The following PARD6A variants were observed in gnomAD, a reference collection of about 807,000 sequenced individuals.
The protein encoded by PARD6A is partitioning defective 6 homolog alpha.
In PARD6A, 20 loss-of-function variants were observed where a neutral mutation model predicts 21.3. That is an observed-to-expected ratio of 0.94 (90% confidence interval 0.66 to 1.36). The LOEUF (loss-of-function observed/expected upper bound fraction) is 1.36. Among genes scored for constraint, PARD6A ranks in the 40% most tolerant of loss-of-function variants. The pLI, the probability that PARD6A is intolerant of heterozygous loss-of-function variation, is 0.00. For missense variants in PARD6A, 411 were observed against 482.0 expected (o/e 0.85, Z 1.38); for synonymous variants, 214 against 204.8 (o/e 1.04, Z -0.38).
chr16:67,662,666 A>G lies in PARD6A; in HGVS notation c.*19A>G, dbSNP rs1282455604. The G allele has an allele frequency of 3.3e-6, 5 of 1,523,566 alleles. No individual in the cohort carries two copies. The South Asian group carries it at 6.4e-5, about 19-fold the overall frequency. 94.4% of individuals were successfully genotyped at this position (1,523,566 alleles called of 1,614,324 possible). A position where few individuals can be genotyped will look rare whatever the true frequency, so the allele number is the denominator to read the frequency against. ...CCTCTGACAGTCAGGATGAAGCCCC[A>G]TGCCACTCCACACTGCTGGGACATG... On this transcript the variant is annotated 3_prime_UTR_variant, in exon 3 of 3. Coordinates refer to ENST00000458121, the MANE Select transcript of PARD6A (RefSeq NM_001037281.2). The surrounding 1 kb of genome is among the most constrained non-coding windows in gnomAD (Gnocchi z 6.9).
In PARD6A at chr16:67,661,870, TCAA is replaced by T. The variant is rs2142980713; in HGVS notation, c.287-23_287-21del. On this transcript the variant is annotated intron_variant, in intron 2 of 2. Coordinates refer to ENST00000458121, the MANE Select transcript of PARD6A (RefSeq NM_001037281.2). This position sits in a 1 kb window ranked among gnomAD's most constrained non-coding sequence, Gnocchi z 7.0. ...CAAGTCGGGGAGCAGGTCTCTGATC[TCAA>T]CATCCCCCCTCTTCTGCAGCAGAAG... 1.3e-6 allele frequency: 2 copies of T among 1,554,424 alleles called. No homozygotes were observed. The highest frequency in any genetic ancestry group is 4.5e-5 in the East Asian group (2 of 44,590).
Position 67,661,508 on chromosome 16 carries a change from C to T in PARD6A, c.117C>T (p.Phe39=), listed in dbSNP as rs1483635108. 1.2e-6 allele frequency: 2 copies of T among 1,609,946 alleles called. No homozygotes were observed. Among genetic ancestry groups the T allele is most frequent in the Non-Finnish European group, 1.7e-6 (2 of 1,179,984 alleles). ...FALPRASVSG[F]QEFSRLLRAV... is the part of the protein sequence containing the mutation. The stretch of plus-strand genomic sequence containing the variant: ...TGCCTCGCGCTTCGGTGAGCGGCTT[C>T]CAGGAGTTCTCGCGGTTGCTGCGGG... Residue 39 remains phenylalanine (F), a synonymous_variant, in exon 2 of 3, where the codon TTC becomes TTT. Coordinates refer to ENST00000458121, the MANE Select transcript of PARD6A (RefSeq NM_001037281.2). This position sits in a 1 kb window ranked among gnomAD's most constrained non-coding sequence, Gnocchi z 7.0.
At position 67,662,273 on chromosome 16, in the gene PARD6A, G is replaced by A. The variant is rs1347792892; in HGVS notation, c.664G>A (p.Val222Ile). 1 of 1,614,044 alleles carries A rather than the reference G, an allele frequency of 6.2e-7. No homozygotes were observed. The highest frequency in any genetic ancestry group is 8.5e-7 in the Non-Finnish European group (1 of 1,180,050). ...GATCCTCGAGGTCAATGGCATTGAA[G>A]TAGCCGGGAAGACCTTGGACCAAGT... ...DEILEVNGIEVAGKTLDQVTD... is the reference protein window; with the variant it reads ...DEILEVNGIEIAGKTLDQVTD... The change falls in exon 3 of 3, where the codon GTA (valine) becomes ATA (isoleucine). Residue 222 changes from valine to isoleucine, a missense_variant. Val to Ile is a conservative substitution (Grantham distance 29). Coordinates refer to ENST00000458121, the MANE Select transcript of PARD6A (RefSeq NM_001037281.2). The surrounding 1 kb of genome is among the most constrained non-coding windows in gnomAD (Gnocchi z 6.9).
chr16:67,662,481 C>T lies in PARD6A; in HGVS notation c.872C>T (p.Pro291Leu). ...SSDLVIENRQPPSSNGLSQGP... is the reference protein window; with the variant it reads ...SSDLVIENRQLPSSNGLSQGP... ...GACCTGGTCATTGAGAACCGCCAGC[C>T]TCCCAGTTCCAATGGGCTGTCTCAG... The change falls in exon 3 of 3, where the codon CCT (proline) becomes CTT (leucine). Residue 291 changes from proline (P) to leucine (L), a missense_variant. Physicochemically the swap from Pro to Leu is moderately conservative, Grantham distance 98. Transcript: ENST00000458121. The surrounding 1 kb of genome is among the most constrained non-coding windows in gnomAD (Gnocchi z 6.9). The T allele has an allele frequency of 1.1e-5, 18 of 1,613,634 alleles. No homozygotes were observed. The highest frequency in any genetic ancestry group is 2.2e-5 in the East Asian group (1 of 44,886).
rs758226980 is a variant in PARD6A, at chr16:67,660,998, G to T, written c.-41G>T. 2.7e-6 allele frequency: 3 copies of T among 1,117,048 alleles called. No individual in the cohort carries two copies. The highest frequency in any genetic ancestry group is 3.4e-6 in the Non-Finnish European group (3 of 887,272). 69.2% of individuals were successfully genotyped at this position (1,117,048 alleles called of 1,614,324 possible). A position where few individuals can be genotyped will look rare whatever the true frequency, so the allele number is the denominator to read the frequency against. On this transcript the variant is annotated 5_prime_UTR_variant, in exon 1 of 3. Transcript: ENST00000458121. ...CCGGGCTGTGCACCTGCGCCTCGGCGGGCCGCCTGGGGCACCGTCCCCGGC... is the reference window on the plus strand; with the variant it reads ...CCGGGCTGTGCACCTGCGCCTCGGCTGGCCGCCTGGGGCACCGTCCCCGGC...
chr16:67,661,817 A>G lies in PARD6A; in HGVS notation c.287-79A>G. ...TGGCTTGACCTCTAAGTGGTAGGAAATAGCTACAGTGCCCCCTGTAAACAG... is the reference window on the plus strand; with the variant it reads ...TGGCTTGACCTCTAAGTGGTAGGAAGTAGCTACAGTGCCCCCTGTAAACAG... On this transcript the variant is annotated intron_variant, in intron 2 of 2. Transcript: ENST00000458121. This position sits in a 1 kb window ranked among gnomAD's most constrained non-coding sequence, Gnocchi z 7.0. 6.5e-7 allele frequency: 1 copy of G among 1,535,476 alleles called. No individual in the cohort carries two copies. The highest frequency in any genetic ancestry group is 8.7e-7 in the Non-Finnish European group (1 of 1,148,622).
rs983347310 is a variant in PARD6A at position 67,661,932 on chromosome 16, C to T, written c.323C>T (p.Ser108Phe). 1.2e-6 allele frequency: 2 copies of T among 1,608,106 alleles called. No homozygotes were observed. Among genetic ancestry groups the T allele is most frequent in the African/African-American group, 1.3e-5 (1 of 74,904 alleles). ...AGCGGCCTGGCTTTTGCCTCCAACT[C>T]TCTGCAGCGGCGCAAGAAAGGGCTC... is the stretch of plus-strand genomic sequence containing the variant. ...DSSGLAFASN[S>F]LQRRKKGLLL... is the part of the protein sequence containing the mutation. Residue 108 changes from serine to phenylalanine, a missense_variant, in exon 3 of 3, where the codon TCT becomes TTT. Ser to Phe is a radical substitution (Grantham distance 155). Transcript: ENST00000458121. This position sits in a 1 kb window ranked among gnomAD's most constrained non-coding sequence, Gnocchi z 7.0.
Position 67,661,017 on chromosome 16 carries a change from CCCCGGCCCG to C in PARD6A, c.-13_-5del, listed in dbSNP as rs751841867. The stretch of plus-strand genomic sequence containing the variant: ...CTCGGCGGGCCGCCTGGGGCACCGT[CCCCGGCCCG>C]CCCGGCCCCGCCATGGCCCGGCCGC... On this transcript the variant is annotated 5_prime_UTR_variant, in exon 1 of 3. Transcript: ENST00000458121. The surrounding 1 kb of genome is among the most constrained non-coding windows in gnomAD (Gnocchi z 7.0). 6.9e-7 allele frequency: 1 copy of C among 1,456,702 alleles called. No individual in the cohort carries two copies. Among genetic ancestry groups the C allele is most frequent in the South Asian group, 1.2e-5 (1 of 80,810 alleles). 90.2% of individuals were successfully genotyped at this position (1,456,702 alleles called of 1,614,324 possible). A position where few individuals can be genotyped will look rare whatever the true frequency, so the allele number is the denominator to read the frequency against.
Position 67,661,781 on chromosome 16 carries a change from G to T in PARD6A, c.286+104G>T. On this transcript the variant is annotated intron_variant, in intron 2 of 2. Coordinates refer to ENST00000458121, the MANE Select transcript of PARD6A (RefSeq NM_001037281.2). The surrounding 1 kb of genome is among the most constrained non-coding windows in gnomAD (Gnocchi z 7.0). Reference sequence around the variant, plus strand: ...GGGTACCCAAGCGTCACCCTCTGCAGTCCCTGCCCTTGGCTTGACCTCTAA... The same window carrying T: ...GGGTACCCAAGCGTCACCCTCTGCATTCCCTGCCCTTGGCTTGACCTCTAA... 2 of 1,547,474 alleles carry T rather than the reference G, an allele frequency of 1.3e-6. No homozygotes were observed. Among genetic ancestry groups the T allele is most frequent in the Non-Finnish European group, 8.7e-7 (1 of 1,153,596 alleles).
rs145012859 is a variant in PARD6A, at chr16:67,662,375, C to T, written c.766C>T (p.Arg256Ter). 3.7e-5 allele frequency: 60 copies of T among 1,613,940 alleles called. No individual in the cohort carries two copies. The highest frequency in any genetic ancestry group is 4.6e-5 in the Non-Finnish European group (54 of 1,180,036). ...KPANQRNNVV[R>*]GASGRLTGPP... ...CGCCAACCAGCGCAATAACGTGGTG[C>T]GAGGGGCATCTGGGCGTTTGACAGG... The change falls in exon 3 of 3, where the codon CGA becomes TGA. Residue 256 changes from arginine (R) to a stop codon, truncating the protein, a stop_gained. Coordinates refer to ENST00000458121, the MANE Select transcript of PARD6A (RefSeq NM_001037281.2). LOFTEE classifies it high-confidence loss of function. This position sits in a 1 kb window ranked among gnomAD's most constrained non-coding sequence, Gnocchi z 6.9.
chr16:67,661,188 C>A lies in PARD6A; in HGVS notation c.63+87C>A. 8.2e-7 allele frequency: 1 copy of A among 1,212,812 alleles called. No individual in the cohort carries two copies. Among genetic ancestry groups the A allele is most frequent in the Non-Finnish European group, 1.2e-6 (1 of 820,882 alleles). The allele number at this position is 1,212,812 out of a possible 1,614,324, so 75.1% of individuals were successfully genotyped here. ...CTCCTTGGTCCCCGCCACCTCTTCC[C>A]TCTATCCTCCAAGTCCCATTCTGCT... On this transcript the variant is annotated intron_variant, in intron 1 of 2. Transcript: ENST00000458121. The surrounding 1 kb of genome is among the most constrained non-coding windows in gnomAD (Gnocchi z 7.0).
Position 67,662,076 on chromosome 16 carries a change from G to A in PARD6A, c.467G>A (p.Arg156Gln), listed in dbSNP as rs756725846. The part of the protein sequence containing the change: ...DVDLLPETHR[R>Q]VRLHKHGSDR... The stretch of plus-strand genomic sequence containing the variant: ...GACCTACTGCCTGAGACCCACCGAC[G>A]GGTGCGGCTGCACAAGCATGGTTCA... The change falls in exon 3 of 3, where the codon CGG becomes CAG. Residue 156 changes from arginine to glutamine, a missense_variant. Physicochemically the swap from Arg to Gln is conservative, Grantham distance 43. Coordinates refer to ENST00000458121, the MANE Select transcript of PARD6A (RefSeq NM_001037281.2). This position sits in a 1 kb window ranked among gnomAD's most constrained non-coding sequence, Gnocchi z 6.9. The A allele has an allele frequency of 1.4e-5, 23 of 1,613,802 alleles. No individual in the cohort carries two copies. The highest frequency in any genetic ancestry group is 1.4e-5 in the Non-Finnish European group (17 of 1,179,996).
In PARD6A at chr16:67,661,424, ACTC is replaced by A. The variant is rs2053013558; in HGVS notation, c.64-24_64-22del. The A allele has an allele frequency of 1.2e-6, 2 of 1,600,960 alleles. No homozygotes were observed. Among genetic ancestry groups the A allele is most frequent in the Admixed American group, 1.7e-5 (1 of 59,904 alleles). ...TGAGAAAGGGGCGCAGGCTGTCCTGACTCCTCCTCTCCCCCAACCCCGACTTCC... is the reference window on the plus strand; with the variant it reads ...TGAGAAAGGGGCGCAGGCTGTCCTGACTCCTCTCCCCCAACCCCGACTTCC... On this transcript the variant is annotated intron_variant, in intron 1 of 2. Coordinates refer to ENST00000458121, the MANE Select transcript of PARD6A (RefSeq NM_001037281.2). This position sits in a 1 kb window ranked among gnomAD's most constrained non-coding sequence, Gnocchi z 7.0.
Position 67,661,114 on chromosome 16 carries a change from C to G in PARD6A, c.63+13C>G, listed in dbSNP as rs368053306. Reference sequence around the variant, plus strand: ...GGTGAAGAGCAAAGTAAGGGCTCCTCCGGCCTCGGCCCTAGGCGCTCCCAA... The same window carrying G: ...GGTGAAGAGCAAAGTAAGGGCTCCTGCGGCCTCGGCCCTAGGCGCTCCCAA... On this transcript the variant is annotated intron_variant, in intron 1 of 2. Coordinates refer to ENST00000458121, the MANE Select transcript of PARD6A (RefSeq NM_001037281.2). The surrounding 1 kb of genome is among the most constrained non-coding windows in gnomAD (Gnocchi z 7.0). 7 of 1,604,746 alleles carry G rather than the reference C, an allele frequency of 4.4e-6. No homozygotes were observed. The highest frequency in any genetic ancestry group is 3.3e-5 in the South Asian group (3 of 90,852).
rs773180799 is a variant in PARD6A at position 67,662,444 on chromosome 16, G to A, written c.835G>A (p.Asp279Asn). Residue 279 changes from aspartate (D) to asparagine (N), a missense_variant, in exon 3 of 3, where the codon GAT (aspartate) becomes AAT (asparagine). Physicochemically the swap from Asp to Asn is conservative, Grantham distance 23. Transcript: ENST00000458121. This position sits in a 1 kb window ranked among gnomAD's most constrained non-coding sequence, Gnocchi z 6.9. Reference protein sequence around the residue: ...GPGPAEPDSDDDSSDLVIENR... With the variant: ...GPGPAEPDSDNDSSDLVIENR... Reference sequence around the variant, plus strand: ...TGGGCCTGCTGAGCCTGATAGTGACGATGACAGCAGTGACCTGGTCATTGA... The same window carrying A: ...TGGGCCTGCTGAGCCTGATAGTGACAATGACAGCAGTGACCTGGTCATTGA... 15 of 1,613,666 alleles carry A rather than the reference G, an allele frequency of 9.3e-6. No homozygotes were observed. The highest frequency in any genetic ancestry group is 1.3e-5 in the African/African-American group (1 of 75,046).
Position 67,662,317 on chromosome 16 carries a change from C to T in PARD6A, c.708C>T (p.Ala236=), listed in dbSNP as rs1481258370. The T allele has an allele frequency of 6.2e-7, 1 of 1,614,060 alleles. No individual in the cohort carries two copies. Among genetic ancestry groups the T allele is most frequent in the Non-Finnish European group, 8.5e-7 (1 of 1,180,038 alleles). Residue 236 remains alanine, a synonymous_variant, in exon 3 of 3, where the codon GCC becomes GCT. Coordinates refer to ENST00000458121, the MANE Select transcript of PARD6A (RefSeq NM_001037281.2). The surrounding 1 kb of genome is among the most constrained non-coding windows in gnomAD (Gnocchi z 6.9). The part of the protein sequence containing the change: ...TLDQVTDMMV[A]NSHNLIVTVK... ...ACCAAGTGACGGACATGATGGTTGC[C>T]AACAGCCATAACCTCATTGTCACTG... is the stretch of plus-strand genomic sequence containing the variant.
Position 67,661,664 on chromosome 16 carries a change from G to T in PARD6A, c.273G>T (p.Leu91=). Residue 91 remains leucine (L), a synonymous_variant, in exon 2 of 3, where the codon CTG becomes CTT. Transcript: ENST00000458121. This position sits in a 1 kb window ranked among gnomAD's most constrained non-coding sequence, Gnocchi z 7.0. ...LASGPPPLRL[L]VQKREADSSG... ...GCGGGCCCCCGCCACTGCGCCTACT[G>T]GTGCAGAAGCGGGGTGAGGAGGGGT... The T allele has an allele frequency of 6.2e-7, 1 of 1,608,506 alleles. No individual in the cohort carries two copies. The highest frequency in any genetic ancestry group is 8.5e-7 in the Non-Finnish European group (1 of 1,179,794).
rs765326647 is a variant in PARD6A at position 67,661,519 on chromosome 16, C to T, written c.128C>T (p.Ser43Leu). The T allele has an allele frequency of 6.2e-7, 1 of 1,610,002 alleles. No individual in the cohort carries two copies. The highest frequency in any genetic ancestry group is 1.3e-5 in the African/African-American group (1 of 74,942). The change falls in exon 2 of 3, where the codon TCG becomes TTG. Residue 43 changes from serine to leucine, a missense_variant. Ser to Leu is a moderately radical substitution (Grantham distance 145, BLOSUM62 -2). Transcript: ENST00000458121. This position sits in a 1 kb window ranked among gnomAD's most constrained non-coding sequence, Gnocchi z 7.0. ...TCGGTGAGCGGCTTCCAGGAGTTCTCGCGGTTGCTGCGGGCGGTGCACCAG... is the reference window on the plus strand; with the variant it reads ...TCGGTGAGCGGCTTCCAGGAGTTCTTGCGGTTGCTGCGGGCGGTGCACCAG... ...RASVSGFQEFSRLLRAVHQIP... is the reference protein window; with the variant it reads ...RASVSGFQEFLRLLRAVHQIP...
chr16:67,662,627 G>A lies in PARD6A; in HGVS notation c.1018G>A (p.Gly340Ser), dbSNP rs748784167. 2 of 1,585,932 alleles carry A rather than the reference G, an allele frequency of 1.3e-6. No homozygotes were observed. Among genetic ancestry groups the A allele is most frequent in the Admixed American group, 3.5e-5 (2 of 57,848 alleles). Residue 340 changes from glycine (G) to serine (S), a missense_variant, in exon 3 of 3, where the codon GGT (glycine) becomes AGT (serine). Transcript: ENST00000458121. This position sits in a 1 kb window ranked among gnomAD's most constrained non-coding sequence, Gnocchi z 6.9. ...CTGGGGGAGTCGCATTCGAGGAGAT[G>A]GTAGTGGCTTCAGCCTCTGACAGTC... The part of the protein sequence containing the change: ...SGWGSRIRGD[G>S]SGFSL
Sources: allele counts gnomAD v4.1 joint callset, GRCh38; gene constraint gnomAD v4.1.1; non-coding constraint Gnocchi (gnomAD v3.1); transcripts MANE v1.5; gene names NCBI Gene and HGNC (gene_info 2026-07-23, HGNC 2026-07-21).